Variants in KIF13A observed in about 807,000 individuals in gnomAD.
KIF13A encodes kinesin-like protein KIF13A.
In KIF13A, 79 loss-of-function variants were observed where a neutral mutation model predicts 212.2. The observed-to-expected ratio is 0.37, with a 90% CI of 0.31 to 0.45. KIF13A has a LOEUF of 0.45. Ranked by LOEUF, KIF13A falls within the 20% of genes least tolerant of loss-of-function variation. The probability of loss-of-function intolerance (pLI) is 1.00; values close to 1 mark genes in which losing one functional copy is unlikely to be tolerated. For missense variants in KIF13A, 1,901 were observed against 2,209.0 expected, an observed-to-expected ratio of 0.86 and a Z score of 2.79; for synonymous variants, 789 against 808.6, an observed-to-expected ratio of 0.98 and a Z score of 0.41.
chr6:17,856,074 G>A lies in KIF13A; in HGVS notation c.269C>T (p.Ala90Val). The change falls in exon 5 of 39, where the codon GCC becomes GTC. Residue 90 changes from alanine (A) to valine (V), a missense_variant. Ala to Val is a moderately conservative substitution (Grantham distance 64, BLOSUM62 0). Transcript: ENST00000259711. This position sits in a 1 kb window ranked among gnomAD's most constrained non-coding sequence, Gnocchi z 4.5. ...KCLGEGILEK[A>V]FQGYNACIFA... The stretch of plus-strand genomic sequence containing the variant: ...AATACACGCATTATACCCCTGAAAG[G>A]CTTTTTCAAGAATTCCTTCCCCAAG... The A allele has an allele frequency of 6.2e-7, 1 of 1,613,450 alleles. No individual in the cohort carries two copies.
At chr6:17,835,431 G>A (rs922621140) in intron 11 of KIF13A, among the ~76,000 whole-genome samples, 6 of 151,876 alleles carry the variant, frequency 4.0e-5, no homozygotes, top group Non-Finnish European at 8.8e-5. Flanking sequence ...CTATTTTCAA[G>A]GTTTATCAGC....
At chr6:17,865,404 T>C (rs116468256) in intron 4 of KIF13A, among the ~76,000 whole-genome samples, 3,108 of 152,262 alleles carry the variant, frequency 0.02, 45 homozygotes, top group Non-Finnish European at 0.033. Flanking sequence ...GGGTGTTTTT[T>C]CACTTCTAAA....
At position 17,855,438 on chromosome 6, in the gene KIF13A, C is replaced by T. The variant is rs1768055145; in HGVS notation, c.493G>A (p.Gly165Arg). 1.9e-6 allele frequency: 3 copies of T among 1,607,432 alleles called. No individual in the cohort carries two copies. The highest frequency in any genetic ancestry group is 2.5e-6 in the Non-Finnish European group (3 of 1,176,608). Reference sequence around the variant, plus strand: ...ACTTAATCTTGACCACTAACTTACCCTTTGGGGTCTAAAAGATCCCGAACT... The same window carrying T: ...ACTTAATCTTGACCACTAACTTACCTTTTGGGGTCTAAAAGATCCCGAACT... ...EKVRDLLDPKGSRQSLKVREH... is the reference protein window; with the variant it reads ...EKVRDLLDPKRSRQSLKVREH... The change falls in exon 6 of 39, where the codon GGG becomes AGG. Residue 165 changes from glycine (G) to arginine (R), a missense_variant and splice_region_variant. Physicochemically the swap from Gly to Arg is moderately radical, Grantham distance 125. Coordinates refer to ENST00000259711, the MANE Select transcript of KIF13A (RefSeq NM_022113.6). The surrounding 1 kb of genome is among the most constrained non-coding windows in gnomAD (Gnocchi z 4.1).
chr6:17,952,653 G>A (rs1170415318), intron 2 of KIF13A, among the ~76,000 whole-genome samples: 11 of 150,924 alleles, frequency 7.3e-5, no homozygotes, highest in East Asian at 4.0e-4. Flanking sequence ...AAGAAAAGCC[G>A]GGCGTGGTGG....
chr6:17,983,524 A>C (rs1306872960), intron 2 of KIF13A, among the ~76,000 whole-genome samples: 3 of 127,762 alleles, frequency 2.3e-5, no homozygotes, highest in South Asian at 2.3e-4. Flanking sequence ...ATGCAGTCTC[A>C]CTCCGTTGCC....
intron 2 of KIF13A, among the ~76,000 whole-genome samples, chr6:17,976,303 G>A (rs1005399042): frequency 1.8e-4 from 27 of 152,230 alleles, no homozygotes; most frequent in Non-Finnish European, 3.2e-4. Flanking sequence ...GCTCAGGCAT[G>A]GCGGGCTGCA....
chr6:17,798,308 G>C (rs1045098603), intron 22 of KIF13A, among the ~76,000 whole-genome samples: 6 of 152,052 alleles, frequency 3.9e-5, no homozygotes, highest in African/African-American at 1.4e-4. Context: ...CTGTTAACCA[G>C]GACACAGTTA....
chr6:17,788,719 T>C (rs989616107), intron 26 of KIF13A, among the ~76,000 whole-genome samples: 4 of 152,102 alleles, frequency 2.6e-5, no homozygotes, highest in African/African-American at 7.2e-5. Context: ...TTACCAACAG[T>C]GTACCCACAT....
chr6:17,794,164 G>A lies in KIF13A; in HGVS notation c.3222+85C>T. Reference sequence around the variant, plus strand: ...GGAAGATCTACGGTTAAGGCAAAGAGTTCTGTTATATTGGCAAAGAGGTCC... The same window carrying A: ...GGAAGATCTACGGTTAAGGCAAAGAATTCTGTTATATTGGCAAAGAGGTCC... On this transcript the variant is annotated intron_variant, in intron 25 of 38. Transcript: ENST00000259711. This position sits in a 1 kb window ranked among gnomAD's most constrained non-coding sequence, Gnocchi z 4.1. 9.5e-7 allele frequency: 1 copy of A among 1,057,944 alleles called. No individual in the cohort carries two copies. The highest frequency in any genetic ancestry group is 1.4e-6 in the Non-Finnish European group (1 of 718,724). 65.5% of individuals were successfully genotyped at this position (1,057,944 alleles called of 1,614,324 possible).
Position 17,794,526 on chromosome 6 carries a change from G to C in KIF13A, c.3075+46C>G. 1.3e-6 allele frequency: 2 copies of C among 1,578,244 alleles called. No individual in the cohort carries two copies. The highest frequency in any genetic ancestry group is 1.7e-6 in the Non-Finnish European group (2 of 1,165,378). On this transcript the variant is annotated intron_variant, in intron 24 of 38. Coordinates refer to ENST00000259711, the MANE Select transcript of KIF13A (RefSeq NM_022113.6). The surrounding 1 kb of genome is among the most constrained non-coding windows in gnomAD (Gnocchi z 4.1). ...TCCCCAGAAACAATGTGTAAGAGTG[G>C]AACAGAGAGAAAACATTAAAAAAAA... is the stretch of plus-strand genomic sequence containing the variant.
In KIF13A at chr6:17,825,061, T is replaced by C. The variant is rs1267480499; in HGVS notation, c.1786+707A>G. Among the ~76,000 whole-genome samples the C allele has an allele frequency of 6.6e-6, 1 of 152,104 alleles. No individual in the cohort carries two copies. The highest frequency in any genetic ancestry group is 1.9e-4 in the East Asian group (1 of 5,184). Reference sequence around the variant, plus strand: ...GCTTCTGGCTTCTAAGTCCCAGTCATCAAATCTAGCAATTAAGACACTGGG... The same window carrying C: ...GCTTCTGGCTTCTAAGTCCCAGTCACCAAATCTAGCAATTAAGACACTGGG... On this transcript the variant is annotated intron_variant, in intron 16 of 38. Coordinates refer to ENST00000259711, the MANE Select transcript of KIF13A (RefSeq NM_022113.6). This position sits in a 1 kb window ranked among gnomAD's most constrained non-coding sequence, Gnocchi z 4.5.
rs1459169096 is a variant in KIF13A, at chr6:17,837,191, G to A, written c.943-101C>T. ...TAGGTATGACATTATTCTCTATGAA[G>A]GAAACATTATGTGGAAATGGACTTG... is the stretch of plus-strand genomic sequence containing the variant. On this transcript the variant is annotated intron_variant, in intron 10 of 38. Coordinates refer to ENST00000259711, the MANE Select transcript of KIF13A (RefSeq NM_022113.6). The surrounding 1 kb of genome is among the most constrained non-coding windows in gnomAD (Gnocchi z 5.4). The A allele has an allele frequency of 1.1e-5, 11 of 1,030,418 alleles. No individual in the cohort carries two copies. The highest frequency in any genetic ancestry group is 2.1e-5 in the Admixed American group (1 of 47,584). 63.8% of individuals were successfully genotyped at this position (1,030,418 alleles called of 1,614,324 possible).
At chr6:17,842,114 T>A (rs1173828684) in intron 9 of KIF13A, among the ~76,000 whole-genome samples, 2 of 151,810 alleles carry the variant, frequency 1.3e-5, no homozygotes, top group Non-Finnish European at 2.9e-5. Context: ...AGTGGTACAA[T>A]CCTGGCTCAC....
chr6:17,851,743 C>T (rs369366573), intron 7 of KIF13A, among the ~76,000 whole-genome samples: 4 of 152,216 alleles, frequency 2.6e-5, no homozygotes, highest in East Asian at 3.8e-4. Flanking sequence ...CTGGGCCTCC[C>T]GGCCATACTG....
At chr6:17,981,449 A>G (rs1323122885) in intron 2 of KIF13A, among the ~76,000 whole-genome samples, 1 of 143,968 alleles carries the variant, frequency 6.9e-6, no homozygotes, top group African/African-American at 2.6e-5. Flanking sequence ...TTTTTGAGAC[A>G]GAGTCTCGCT....
In KIF13A at chr6:17,976,402, A is replaced by G. The variant is rs1780487020; in HGVS notation, c.146+10652T>C. On this transcript the variant is annotated intron_variant, in intron 2 of 38. Transcript: ENST00000259711. ...GTGGGCCGGCACTGCTGGGGGACCCAGTACACCCTCCGCAGCCGCTGGCCC... is the reference window on the plus strand; with the variant it reads ...GTGGGCCGGCACTGCTGGGGGACCCGGTACACCCTCCGCAGCCGCTGGCCC... Among the ~76,000 whole-genome samples, 2 of 152,334 alleles carry G rather than the reference A, an allele frequency of 1.3e-5. 1 individual carries two copies. Among genetic ancestry groups the G allele is most frequent in the South Asian group, 4.1e-4 (2 of 4,834 alleles).
intron 2 of KIF13A, among the ~76,000 whole-genome samples, chr6:17,980,223 T>C (rs1324446294): frequency 6.6e-6 from 1 of 152,198 alleles, no homozygotes; most frequent in Non-Finnish European, 1.5e-5. Flanking sequence ...GACAGTGGAA[T>C]AATGTCTTTA....
chr6:17,917,597 G>A (rs1346789137), intron 2 of KIF13A, among the ~76,000 whole-genome samples: 1 of 151,964 alleles, frequency 6.6e-6, no homozygotes, highest in Non-Finnish European at 1.5e-5. Flanking sequence ...CTATTGAGGT[G>A]GACTCATTAG....
At position 17,883,491 on chromosome 6, in the gene KIF13A, A is replaced by G. The variant is rs1771270514; in HGVS notation, c.160-10054T>C. Among the ~76,000 whole-genome samples the G allele has an allele frequency of 6.6e-6, 1 of 152,218 alleles. No homozygotes were observed. The highest frequency in any genetic ancestry group is 1.5e-5 in the Non-Finnish European group (1 of 68,034). On this transcript the variant is annotated intron_variant, in intron 3 of 38. Coordinates refer to ENST00000259711, the MANE Select transcript of KIF13A (RefSeq NM_022113.6). The surrounding 1 kb of genome is among the most constrained non-coding windows in gnomAD (Gnocchi z 4.8). ...GTCAGTGTAAATCCTTCAGTGGCAC[A>G]GCCAGGATAGCAGCACCCCAACGAT...
Sources: allele counts gnomAD v4.1 joint callset (sites outside exome capture counted in the v4.1 genomes callset), GRCh38; gene constraint gnomAD v4.1.1; non-coding constraint Gnocchi (gnomAD v3.1); transcripts MANE v1.5; gene names NCBI Gene and HGNC (gene_info 2026-07-23, HGNC 2026-07-21).